Variants in PLXNA4 observed in about 807,000 individuals in gnomAD.
PLXNA4 encodes plexin A4, also known as plexin-A4.
A neutral mutation model predicts 191.8 loss-of-function variants in PLXNA4; 44 were observed. The observed-to-expected ratio is 0.23, with a 90% CI of 0.18 to 0.29. The LOEUF is 0.29. Among genes scored for constraint, PLXNA4 ranks in the 10% least tolerant of loss-of-function variants. The probability of loss-of-function intolerance (pLI) is 1.00; values close to 1 mark genes in which losing one functional copy is unlikely to be tolerated. For missense variants in PLXNA4, 1,800 were observed against 2,488.8 expected (o/e 0.72, Z 5.89); for synonymous variants, 1,082 against 1,009.5 (o/e 1.07, Z -1.36).
chr7:132,522,209 C>A (rs1219528505), intron 1 of PLXNA4, among the ~76,000 whole-genome samples: 1 of 152,124 alleles, frequency 6.6e-6, no homozygotes, highest in Non-Finnish European at 1.5e-5. Context: ...CTCCCACTGC[C>A]CTCCTACTCT....
At chr7:132,527,771 T>C (rs1799462679) in intron 1 of PLXNA4, among the ~76,000 whole-genome samples, 1 of 152,146 alleles carries the variant, frequency 6.6e-6, no homozygotes, top group African/African-American at 2.4e-5. Context: ...GCCAGCATAC[T>C]GCCCACATGC....
intron 1 of PLXNA4, among the ~76,000 whole-genome samples, chr7:132,574,384 T>C (rs1388385979): frequency 6.6e-6 from 1 of 152,252 alleles, no homozygotes; most frequent in Non-Finnish European, 1.5e-5. Context: ...AACCATGTGC[T>C]GCTGTACGCG....
At chr7:132,591,834 T>G (rs1802608291) in intron 2 of PLXNA4, among the ~76,000 whole-genome samples, 1 of 152,200 alleles carries the variant, frequency 6.6e-6, no homozygotes. Context: ...CTGCGTATTA[T>G]GTGCTCTTTT....
At chr7:132,227,401 T>C in intron 7 of PLXNA4, 50 bp downstream of exon 7, 1 of 1,611,090 alleles carries the variant, frequency 6.2e-7, no homozygotes, top group Non-Finnish European at 8.5e-7. Flanking sequence ...GTTCTCCTTA[T>C]CTAGCCAGGA....
At chr7:132,444,605 T>C (rs1795824996) in intron 3 of PLXNA4, among the ~76,000 whole-genome samples, 2 of 152,210 alleles carry the variant, frequency 1.3e-5, no homozygotes, top group African/African-American at 4.8e-5. Flanking sequence ...TGTCATCTAA[T>C]GAACATGTAA....
chr7:132,140,902 C>T, intron 29 of PLXNA4, 91 bp from the exon 30 acceptor site: 1 of 1,543,856 alleles, frequency 6.5e-7, no homozygotes, highest in South Asian at 1.3e-5. Flanking sequence ...GGAGAGAAGC[C>T]TGGGGAACTA....
chr7:132,398,522 G>A (rs572309037), intron 3 of PLXNA4, among the ~76,000 whole-genome samples: 7 of 152,192 alleles, frequency 4.6e-5, no homozygotes, highest in South Asian at 4.1e-4. Context: ...CCAGCTCTGC[G>A]TTTCTCCTTT....
intron 9 of PLXNA4, among the ~76,000 whole-genome samples, chr7:132,217,046 G>GGCA (rs1320722178): frequency 6.6e-6 from 1 of 152,196 alleles, no homozygotes; most frequent in East Asian, 1.9e-4. Context: ...GGTGAGAAGT[G>GGCA]GCAGCAGCTC....
intron 12 of PLXNA4, among the ~76,000 whole-genome samples, chr7:132,199,898 C>T (rs1797377500): frequency 6.6e-6 from 1 of 152,182 alleles, no homozygotes; most frequent in Admixed American, 6.5e-5. Context: ...TGAGCCTGTG[C>T]ATAAGTATAT....
chr7:132,476,687 G>T (rs1341316323), intron 3 of PLXNA4, among the ~76,000 whole-genome samples: 1 of 152,192 alleles, frequency 6.6e-6, no homozygotes, highest in Non-Finnish European at 1.5e-5. Flanking sequence ...GGTTCAGAGG[G>T]GAAGTGGGGG....
chr7:132,230,055 A>T (rs2116990210), intron 5 of PLXNA4, among the ~76,000 whole-genome samples: 1 of 152,310 alleles, frequency 6.6e-6, no homozygotes, highest in Middle Eastern at 3.4e-3. Context: ...ACTTCAGAGT[A>T]GATTGGATGT....
chr7:132,494,607 T>TG (rs1797933100), intron 2 of PLXNA4, among the ~76,000 whole-genome samples: 1 of 152,104 alleles, frequency 6.6e-6, no homozygotes, highest in South Asian at 2.1e-4. Flanking sequence ...GGAGGTGGTG[T>TG]GGGGAGCTGG....
chr7:132,590,156 ACTT>A (rs1802580306), intron 2 of PLXNA4, among the ~76,000 whole-genome samples: 2 of 152,214 alleles, frequency 1.3e-5, no homozygotes, highest in South Asian at 2.1e-4. Context: ...GGGTCATCTG[ACTT>A]CTTATGCTAT....
At chr7:132,161,985 A>G (rs1329943971) in intron 24 of PLXNA4, among the ~76,000 whole-genome samples, 1 of 152,010 alleles carries the variant, frequency 6.6e-6, no homozygotes, top group Admixed American at 6.5e-5. Flanking sequence ...CCAATAAATC[A>G]CTAAACCCCT....
intron 3 of PLXNA4, chr7:132,367,641 A>C (rs1222350555): frequency 6.6e-6 from 1 of 152,252 alleles, no homozygotes; most frequent in East Asian, 1.9e-4. Flanking sequence ...CCTCTCATGC[A>C]GGGGACATCA....
At chr7:132,460,392 A>G (rs1052312443) in intron 3 of PLXNA4, among the ~76,000 whole-genome samples, 2 of 151,750 alleles carry the variant, frequency 1.3e-5, no homozygotes, top group African/African-American at 2.4e-5. Flanking sequence ...AAAACCTCAA[A>G]TTGTAATTTC....
chr7:132,620,006 G>A (rs572336103), intron 2 of PLXNA4, among the ~76,000 whole-genome samples: 3 of 152,306 alleles, frequency 2.0e-5, no homozygotes, highest in African/African-American at 4.8e-5. Flanking sequence ...GTTTCACTGT[G>A]TTAGCCAGGA....
At chr7:132,188,995 A>AAAGGAAAGGAAAG (rs1554384729) in intron 14 of PLXNA4, among the ~76,000 whole-genome samples, 50 of 26,786 alleles carry the variant, frequency 1.9e-3, no homozygotes, top group East Asian at 2.7e-3. Context: ...AAAGGAAAGG[A>AAAGGAAAGGAAAG]GAGAGAGAGA....
chr7:132,190,957 C>T (rs775520640), intron 14 of PLXNA4, among the ~76,000 whole-genome samples: 2 of 152,228 alleles, frequency 1.3e-5, no homozygotes, highest in Non-Finnish European at 2.9e-5. Flanking sequence ...TGGATATCCA[C>T]AGCTCAGGCC....
Sources: allele counts gnomAD v4.1 joint callset (sites outside exome capture counted in the v4.1 genomes callset), GRCh38; gene constraint gnomAD v4.1.1; transcripts MANE v1.5; gene names NCBI Gene and HGNC (gene_info 2026-07-23, HGNC 2026-07-21).